Variants in COL7A1 observed in about 807,000 individuals in gnomAD.
The protein encoded by COL7A1 is collagen alpha-1(VII) chain.
A neutral mutation model predicts 456.2 loss-of-function variants in COL7A1; 296 were observed. The observed-to-expected ratio is 0.65, with a 90% CI of 0.59 to 0.71. The LOEUF (loss-of-function observed/expected upper bound fraction) is 0.71, where lower values mean the gene tolerates loss of function less well. Among genes scored for constraint, COL7A1 ranks in the 30% least tolerant of loss-of-function variants. The pLI, the probability that COL7A1 is intolerant of heterozygous loss-of-function variation, is 0.00. For synonymous variants in COL7A1, 1,464 were observed against 1,525.9 expected, an observed-to-expected ratio of 0.96 and a Z score of 0.95; for missense variants, 3,441 against 4,017.2, an observed-to-expected ratio of 0.86 and a Z score of 3.88.
rs121912853 is a variant in COL7A1 at position 48,566,719 on chromosome 3, C to T, written c.8245G>A (p.Gly2749Arg). The change falls in exon 112 of 119, where the codon GGA becomes AGA. Residue 2749 changes from glycine (G) to arginine (R), a missense_variant. By Grantham distance (125) the Gly-to-Arg change is moderately radical (BLOSUM62 -2). This residue lies in a region of COL7A1 where 2,084 missense variants were observed against 2,501.3 expected (regional missense o/e 0.83). Transcript: ENST00000681320. This position sits in a 1 kb window ranked among gnomAD's most constrained non-coding sequence, Gnocchi z 5.9. ...QGQKGERGPP[G>R]ERVVGAPGVP... is the part of the protein sequence containing the mutation. ...CCAGGAGCCCCCACCACTCTCTCTC[C>T]GGGGGGACCTCGCTCACCCTGTCAG... is the stretch of plus-strand genomic sequence containing the variant. 9.9e-6 allele frequency: 16 copies of T among 1,613,778 alleles called. No homozygotes were observed. The highest frequency in any genetic ancestry group is 1.7e-5 in the Admixed American group (1 of 60,002).
Position 48,568,866 on chromosome 3 carries a change from G to A in COL7A1, c.7687-11C>T. The A allele has an allele frequency of 6.4e-7, 1 of 1,569,456 alleles. No homozygotes were observed. Among genetic ancestry groups the A allele is most frequent in the Non-Finnish European group, 8.7e-7 (1 of 1,155,784 alleles). ...CTCTCCCTTGCTGCCCTGTGGGAGTGACCAGGAGAGGGATTCAGTCAGGAC... is the reference window on the plus strand; with the variant it reads ...CTCTCCCTTGCTGCCCTGTGGGAGTAACCAGGAGAGGGATTCAGTCAGGAC... On this transcript the variant is annotated splice_polypyrimidine_tract_variant and intron_variant, in intron 103 of 118. Coordinates refer to ENST00000681320, the MANE Select transcript of COL7A1 (RefSeq NM_000094.4). The surrounding 1 kb of genome is among the most constrained non-coding windows in gnomAD (Gnocchi z 5.2).
In COL7A1 at chr3:48,590,111, G is replaced by T; in HGVS notation, c.2050+102C>A. 1 of 1,302,118 alleles carries T rather than the reference G, an allele frequency of 7.7e-7. No homozygotes were observed. 80.7% of individuals were successfully genotyped at this position (1,302,118 alleles called of 1,614,324 possible). A position where few individuals can be genotyped will look rare whatever the true frequency, so the allele number is the denominator to read the frequency against. ...AGGAGGGAGTGGGATTCTGAAGGGG[G>T]AGGCAGGAGTTCTGGGGAGAAGCAA... On this transcript the variant is annotated intron_variant, in intron 16 of 118. Transcript: ENST00000681320. This position sits in a 1 kb window ranked among gnomAD's most constrained non-coding sequence, Gnocchi z 4.6.
In COL7A1 at chr3:48,568,060, A is replaced by G. The variant is rs1443988893; in HGVS notation, c.7875+30T>C. On this transcript the variant is annotated intron_variant, in intron 106 of 118. Coordinates refer to ENST00000681320, the MANE Select transcript of COL7A1 (RefSeq NM_000094.4). The surrounding 1 kb of genome is among the most constrained non-coding windows in gnomAD (Gnocchi z 5.2). ...CCTTCAACATTAGGCCTTCCTGACC[A>G]GAAAAAAACCAATCTTGTTTCTTTC... is the stretch of plus-strand genomic sequence containing the variant. 1 of 1,613,800 alleles carries G rather than the reference A, an allele frequency of 6.2e-7. No individual in the cohort carries two copies. The highest frequency in any genetic ancestry group is 1.7e-5 in the Admixed American group (1 of 60,024).
At position 48,593,698 on chromosome 3, in the gene COL7A1, T is replaced by G; in HGVS notation, c.267-2A>C. ...AGTGCATCCAGGCCGAACTCTGTCC[T>G]GTTGGAGGGTAGGGGTGGCAACAGG... On this transcript the variant is annotated splice_acceptor_variant, in intron 3 of 118. Transcript: ENST00000681320. LOFTEE classifies it high-confidence loss of function. The surrounding 1 kb of genome is among the most constrained non-coding windows in gnomAD (Gnocchi z 4.4). The G allele has an allele frequency of 6.2e-7, 1 of 1,614,222 alleles. No homozygotes were observed. The highest frequency in any genetic ancestry group is 8.5e-7 in the Non-Finnish European group (1 of 1,180,038).
In COL7A1 at chr3:48,587,798, C is replaced by T. The variant is rs540205999; in HGVS notation, c.2852G>A (p.Arg951His). The T allele has an allele frequency of 1.5e-5, 24 of 1,613,348 alleles. 1 individual carries two copies. Among genetic ancestry groups the T allele is most frequent in the East Asian group, 1.3e-4 (6 of 44,870 alleles). The stretch of plus-strand genomic sequence containing the variant: ...CCAAGGTGAGGCAGGCTTACCAGTG[C>T]GCGCAGTCACCTCTGCAGAGGGCCC... The part of the protein sequence containing the change: ...GEGPSAEVTA[R>H]TESPRVPSIE... Residue 951 changes from arginine to histidine, a missense_variant, in exon 22 of 119, where the codon CGC becomes CAC. By Grantham distance (29) the Arg-to-His change is conservative. Transcript: ENST00000681320. This position sits in a 1 kb window ranked among gnomAD's most constrained non-coding sequence, Gnocchi z 6.1.
Position 48,580,415 on chromosome 3 carries a change from G to A in COL7A1, c.5053-71C>T. ...TGGGAGAGCTTTGGAAGCACCATGA[G>A]GACTCATGGGAATGTTGGTAGCCTT... On this transcript the variant is annotated intron_variant, in intron 55 of 118. Coordinates refer to ENST00000681320, the MANE Select transcript of COL7A1 (RefSeq NM_000094.4). This position sits in a 1 kb window ranked among gnomAD's most constrained non-coding sequence, Gnocchi z 4.5. The A allele has an allele frequency of 6.4e-7, 1 of 1,556,400 alleles. No individual in the cohort carries two copies. Among genetic ancestry groups the A allele is most frequent in the Non-Finnish European group, 8.8e-7 (1 of 1,138,936 alleles).
At chr3:48,576,159 T>C in intron 71 of COL7A1, 90 bp downstream of exon 71, 6 of 1,581,610 alleles carry the variant, frequency 3.8e-6, no homozygotes, top group Non-Finnish European at 5.2e-6. Flanking sequence ...ACAGAACCTA[T>C]GGAGCCTCAT....
chr3:48,576,989 T>C lies in COL7A1; in HGVS notation c.5568+3A>G, dbSNP rs1277310321. On this transcript the variant is annotated splice_donor_region_variant and intron_variant, in intron 66 of 118. Transcript: ENST00000681320. The stretch of plus-strand genomic sequence containing the variant: ...CAGAGAGACCCCAGGTGGGGGACTT[T>C]ACCTTCCTCCCGTCTTCTCCAGGGT... 6.2e-7 allele frequency: 1 copy of C among 1,613,868 alleles called. No individual in the cohort carries two copies. Among genetic ancestry groups the C allele is most frequent in the African/African-American group, 1.3e-5 (1 of 74,932 alleles).
chr3:48,587,333 A>G lies in COL7A1; in HGVS notation c.2996T>C (p.Val999Ala). 6.2e-7 allele frequency: 1 copy of G among 1,604,924 alleles called. No individual in the cohort carries two copies. The highest frequency in any genetic ancestry group is 1.1e-5 in the South Asian group (1 of 89,930). The change falls in exon 24 of 119, where the codon GTG becomes GCG. Residue 999 changes from valine (V) to alanine (A), a missense_variant. Val to Ala is a moderately conservative substitution (Grantham distance 64). This residue lies in a region of COL7A1 where 444 missense variants were observed against 427.6 expected (regional missense o/e 1.04). Transcript: ENST00000681320. This position sits in a 1 kb window ranked among gnomAD's most constrained non-coding sequence, Gnocchi z 6.1. ...WRPLRGPGQE[V>A]PGSPQTLPGI... Reference sequence around the variant, plus strand: ...TGGAAGTGTCTGCGGGGACCCAGGCACTTCTGCAGGAGACAGAACTTGATT... The same window carrying G: ...TGGAAGTGTCTGCGGGGACCCAGGCGCTTCTGCAGGAGACAGAACTTGATT...
chr3:48,566,602 C>T lies in COL7A1; in HGVS notation c.8305-39G>A. On this transcript the variant is annotated intron_variant, in intron 112 of 118. Transcript: ENST00000681320. This position sits in a 1 kb window ranked among gnomAD's most constrained non-coding sequence, Gnocchi z 5.9. ...ATGGGACCAGGCTGTGACCTCTGAC[C>T]TCAGGGACAACAGAAGTCACCCCGA... 1.2e-6 allele frequency: 2 copies of T among 1,614,186 alleles called. No homozygotes were observed. Among genetic ancestry groups the T allele is most frequent in the Non-Finnish European group, 1.7e-6 (2 of 1,180,026 alleles).
At position 48,581,328 on chromosome 3, in the gene COL7A1, G is replaced by A; in HGVS notation, c.4831C>T (p.Pro1611Ser). The change falls in exon 52 of 119, where the codon CCT becomes TCT. Residue 1611 changes from proline to serine, a missense_variant. This residue lies in a region of COL7A1 where 2,084 missense variants were observed against 2,501.3 expected (regional missense o/e 0.83). Transcript: ENST00000681320. This position sits in a 1 kb window ranked among gnomAD's most constrained non-coding sequence, Gnocchi z 5.8. ...GRAGPPGDSG[P>S]PGEKGDPGRP... ...CCAGGGTCTCCCTTCTCTCCAGGAG[G>A]CCCTGAGTCACCCTGTGGAGGAGGC... 1 of 1,613,554 alleles carries A rather than the reference G, an allele frequency of 6.2e-7. No homozygotes were observed.
rs754613199 is a variant in COL7A1, at chr3:48,566,481, C to T, written c.8358+29G>A. ...CAGCCCACCCAGGCCCACCCAGGCC[C>T]TCCCAGGCCCATCCAGGCCCACACT... On this transcript the variant is annotated intron_variant, in intron 113 of 118. Transcript: ENST00000681320. The surrounding 1 kb of genome is among the most constrained non-coding windows in gnomAD (Gnocchi z 5.9). The T allele has an allele frequency of 2.5e-6, 4 of 1,613,612 alleles. No individual in the cohort carries two copies. The highest frequency in any genetic ancestry group is 2.5e-6 in the Non-Finnish European group (3 of 1,179,848).
rs2045323348 is a variant in COL7A1, at chr3:48,587,092, C to T, written c.3156G>A (p.Leu1052=). The T allele has an allele frequency of 1.2e-6, 2 of 1,612,632 alleles. No individual in the cohort carries two copies. The highest frequency in any genetic ancestry group is 2.2e-5 in the South Asian group (2 of 90,760). ...CATGTGGTAGGAACACCACATCCGC[C>T]AGGCCACGGGGGCACACTGTAGGAA... The part of the protein sequence containing the change: ...VTQTPVCPRG[L]ADVVFLPHAT... Residue 1052 remains leucine (L), a synonymous_variant, in exon 25 of 119, where the codon CTG becomes CTA. Transcript: ENST00000681320. This position sits in a 1 kb window ranked among gnomAD's most constrained non-coding sequence, Gnocchi z 6.1.
rs1435369569 is a variant in COL7A1 at position 48,566,802 on chromosome 3, G to A, written c.8227-65C>T. 5.0e-6 allele frequency: 8 copies of A among 1,601,298 alleles called. No individual in the cohort carries two copies. Among genetic ancestry groups the A allele is most frequent in the Non-Finnish European group, 1.7e-6 (2 of 1,170,128 alleles). ...GTGGGGATCAGAGTCAGGCAGGTTGGGGGCCACAGCTTCAGAGGTTGGGGC... is the reference window on the plus strand; with the variant it reads ...GTGGGGATCAGAGTCAGGCAGGTTGAGGGCCACAGCTTCAGAGGTTGGGGC... On this transcript the variant is annotated intron_variant, in intron 111 of 118. Transcript: ENST00000681320. This position sits in a 1 kb window ranked among gnomAD's most constrained non-coding sequence, Gnocchi z 5.9.
At position 48,583,173 on chromosome 3, in the gene COL7A1, T is replaced by C. The variant is rs1285755368; in HGVS notation, c.4438-2A>G. The stretch of plus-strand genomic sequence containing the variant: ...GGGCCCTGGAAAGCCCCGGTCACCC[T>C]GAAGAGAGAGGGTGAGAGAAAGACA... On this transcript the variant is annotated splice_acceptor_variant, in intron 42 of 118. Transcript: ENST00000681320. LOFTEE classifies it high-confidence loss of function. This position sits in a 1 kb window ranked among gnomAD's most constrained non-coding sequence, Gnocchi z 5.1. The C allele has an allele frequency of 6.2e-7, 1 of 1,613,720 alleles. No homozygotes were observed. Among genetic ancestry groups the C allele is most frequent in the Admixed American group, 1.7e-5 (1 of 59,990 alleles).
chr3:48,588,895 G>A lies in COL7A1; in HGVS notation c.2415C>T (p.Tyr805=), dbSNP rs2045488356. Residue 805 remains tyrosine (Y), a synonymous_variant, in exon 19 of 119, where the codon TAC becomes TAT. Transcript: ENST00000681320. The surrounding 1 kb of genome is among the most constrained non-coding windows in gnomAD (Gnocchi z 4.6). ...CTTCACTCCGGCCCCAGGCCAGTCT[G>A]TAAGCTGTGGCTCCAGTGACCCCTA... ...TWVGVTGATA[Y]RLAWGRSEGG... is the part of the protein sequence containing the mutation. 2 of 1,613,716 alleles carry A rather than the reference G, an allele frequency of 1.2e-6. No individual in the cohort carries two copies. Among genetic ancestry groups the A allele is most frequent in the East Asian group, 4.5e-5 (2 of 44,884 alleles).
rs372725632 is a variant in COL7A1, at chr3:48,567,694, G to C, written c.7983+16C>G. 2 of 1,613,910 alleles carry C rather than the reference G, an allele frequency of 1.2e-6. No homozygotes were observed. The highest frequency in any genetic ancestry group is 2.7e-5 in the African/African-American group (2 of 74,862). On this transcript the variant is annotated intron_variant, in intron 108 of 118. Coordinates refer to ENST00000681320, the MANE Select transcript of COL7A1 (RefSeq NM_000094.4). The surrounding 1 kb of genome is among the most constrained non-coding windows in gnomAD (Gnocchi z 4.3). ...TCCACCCGTGGCCCCCTCATTCTGA[G>C]CGTGCCCACACTCACCATCTCTCCT...
rs1384165748 is a variant in COL7A1, at chr3:48,574,351, C to G, written c.6457-45G>C. ...GGCCTTAGTTTCCCAGTTCCAACTT[C>G]CCCTCCACCCACCATCCCCCTAGAC... On this transcript the variant is annotated intron_variant, in intron 79 of 118. Coordinates refer to ENST00000681320, the MANE Select transcript of COL7A1 (RefSeq NM_000094.4). This position sits in a 1 kb window ranked among gnomAD's most constrained non-coding sequence, Gnocchi z 5.0. The G allele has an allele frequency of 6.2e-7, 1 of 1,613,802 alleles. No homozygotes were observed. The highest frequency in any genetic ancestry group is 8.5e-7 in the Non-Finnish European group (1 of 1,179,826).
Position 48,583,544 on chromosome 3 carries a change from C to T in COL7A1, c.4401+12G>A. On this transcript the variant is annotated intron_variant, in intron 41 of 118. Transcript: ENST00000681320. This position sits in a 1 kb window ranked among gnomAD's most constrained non-coding sequence, Gnocchi z 5.1. ...GCCCACCATATTCAGAATCCCTGGC[C>T]CCTCCACTCACCTGCTCACCCGGAG... 1 of 1,613,966 alleles carries T rather than the reference C, an allele frequency of 6.2e-7. No homozygotes were observed. Among genetic ancestry groups the T allele is most frequent in the South Asian group, 1.1e-5 (1 of 91,084 alleles).
Sources: allele counts gnomAD v4.1 joint callset, GRCh38; gene constraint gnomAD v4.1.1; regional missense constraint gnomAD v4.1.1; non-coding constraint Gnocchi (gnomAD v3.1); transcripts MANE v1.5; gene names NCBI Gene and HGNC (gene_info 2026-07-23, HGNC 2026-07-21).